LARGE1: variants seen among roughly 807,000 people sequenced by gnomAD.
LARGE1 encodes LARGE xylosyl- and glucuronyltransferase 1.
A neutral mutation model predicts 87.6 loss-of-function variants in LARGE1; 43 were observed. That is an observed-to-expected ratio of 0.49 (90% CI 0.38 to 0.63). LARGE1 has a LOEUF of 0.63. Among genes scored for constraint, LARGE1 ranks in the 30% least tolerant of loss-of-function variants. The pLI, the probability that LARGE1 is intolerant of heterozygous loss-of-function variation, is 0.00. For synonymous variants in LARGE1, 434 were observed against 394.6 expected (o/e 1.10, Z -1.18); for missense variants, 802 against 1,000.2 (o/e 0.80, Z 2.67).
intron 6 of LARGE1, among the ~76,000 whole-genome samples, chr22:33,553,026 A>G (rs1188912231): frequency 6.6e-6 from 1 of 152,166 alleles, no homozygotes; most frequent in Non-Finnish European, 1.5e-5. Context: ...CTTTCCAATT[A>G]GGAGCAAACC....
intron 3 of LARGE1, among the ~76,000 whole-genome samples, chr22:33,636,718 G>C (rs943997577): frequency 4.0e-5 from 6 of 151,376 alleles, no homozygotes; most frequent in Admixed American, 3.3e-4. Flanking sequence ...TTTTTGGAGA[G>C]ATGGGGTCTC....
intron 5 of LARGE1, among the ~76,000 whole-genome samples, chr22:33,599,759 C>A (rs1333934634): frequency 6.6e-6 from 1 of 152,196 alleles, no homozygotes; most frequent in Non-Finnish European, 1.5e-5. Context: ...AAAGTGATTT[C>A]TTGGAGCTGT....
chr22:33,230,294 A>G (rs896886183), intron 11 of LARGE1, among the ~76,000 whole-genome samples: 60 of 152,062 alleles, frequency 3.9e-4, no homozygotes, highest in African/African-American at 1.4e-3. Flanking sequence ...TGCTGTGATT[A>G]CAGGTGTGAG....
At chr22:33,535,890 C>T (rs1051779077) in intron 6 of LARGE1, among the ~76,000 whole-genome samples, 4 of 152,184 alleles carry the variant, frequency 2.6e-5, no homozygotes, top group Non-Finnish European at 4.4e-5. Context: ...CTTCCAGTAC[C>T]TTAGTCCTTG....
chr22:33,646,357 TTC>T (rs2080611828), intron 3 of LARGE1, among the ~76,000 whole-genome samples: 1 of 152,130 alleles, frequency 6.6e-6, no homozygotes, highest in Non-Finnish European at 1.5e-5. Context: ...ACACCACATG[TTC>T]TCTCTCGTAA....
chr22:33,100,050 G>A, the LARGE1 span, among the ~76,000 whole-genome samples: 1 of 152,144 alleles, frequency 6.6e-6, no homozygotes, highest in East Asian at 1.9e-4. Context: ...TTAAATCTGA[G>A]TTTGGCCAGT....
At chr22:33,707,097 T>C (rs758886537) in intron 2 of LARGE1, among the ~76,000 whole-genome samples, 3 of 152,346 alleles carry the variant, frequency 2.0e-5, no homozygotes, top group East Asian at 3.9e-4. Flanking sequence ...TCATCTTCAG[T>C]AGATCCAGAA....
rs34292743 is a variant in LARGE1, at chr22:33,304,411, G to A, written c.1548C>T (p.Tyr516=). ...TCATAAGCACCTCAGAGCCCTGTGC[G>A]TAGCGGAGGAACTGCTGGGCCTCGG... ...SDAEAQQFLR[Y]AQGSEVLMSR... The change falls in exon 12 of 15, where the codon TAC becomes TAT. Residue 516 remains tyrosine, a synonymous_variant. Coordinates refer to ENST00000397394, the MANE Select transcript of LARGE1 (RefSeq NM_133642.5). The A allele has an allele frequency of 4.5e-3, 7,298 of 1,614,248 alleles. 260 individuals carry two copies. The African/African-American group carries it at 0.085, about 19-fold the overall frequency.
Position 33,316,185 on chromosome 22 carries a change from A to G in LARGE1, c.1351T>C (p.Phe451Leu). Residue 451 changes from phenylalanine (F) to leucine (L), a missense_variant, in exon 11 of 15, where the codon TTC becomes CTC. By Grantham distance (22) the Phe-to-Leu change is conservative. Transcript: ENST00000397394. ...TACAGGTGGGTGCGGTGGACAGTGA[A>G]GCGCTCTCGCCGGAACTCATAGCAC... ...DLCYEFRRER[F>L]TVHRTHLYFL... The G allele has an allele frequency of 1.2e-6, 2 of 1,614,062 alleles. No individual in the cohort carries two copies. Among genetic ancestry groups the G allele is most frequent in the South Asian group, 2.2e-5 (2 of 91,066 alleles).
At position 33,732,709 on chromosome 22, in the gene LARGE1, T is replaced by C. The variant is rs1317805051; in HGVS notation, c.106+28662A>G. 8 of 152,194 alleles carry C rather than the reference T, an allele frequency of 5.3e-5. No homozygotes were observed. In the East Asian group the frequency reaches 1.5e-3, roughly 29 times the overall value. The allele number at this position is 152,194 out of a possible 1,614,324, so 9.4% of individuals were successfully genotyped here. On this transcript the variant is annotated intron_variant, in intron 2 of 14. Transcript: ENST00000397394. ...GCAAATGGGGAAAAGATTGAATGTATAGGGCTGCATATATTAGAAGCCCCC... is the reference window on the plus strand; with the variant it reads ...GCAAATGGGGAAAAGATTGAATGTACAGGGCTGCATATATTAGAAGCCCCC...
At chr22:33,234,904 TTGGGG>T (rs566318832) in intron 11 of LARGE1, among the ~76,000 whole-genome samples, 50,263 of 151,864 alleles carry the variant, frequency 0.33, 10,024 homozygotes, top group African/African-American at 0.58. Flanking sequence ...CTGGAATGTG[TTGGGG>T]AATGCTACAC....
intron 5 of LARGE1, among the ~76,000 whole-genome samples, chr22:33,596,610 A>T (rs1268204976): frequency 1.3e-5 from 2 of 152,222 alleles, no homozygotes; most frequent in African/African-American, 4.8e-5. Flanking sequence ...TCCATCAACT[A>T]TTCTAGAAAA....
At chr22:33,681,505 G>A (rs1334493065) in intron 2 of LARGE1, among the ~76,000 whole-genome samples, 1 of 152,142 alleles carries the variant, frequency 6.6e-6, no homozygotes, top group African/African-American at 2.4e-5. Flanking sequence ...TACAGGTATA[G>A]TGAAGATTAA....
chr22:33,451,526 C>T (rs573911473), intron 6 of LARGE1, among the ~76,000 whole-genome samples: 25 of 151,306 alleles, frequency 1.7e-4, no homozygotes, highest in East Asian at 7.8e-4. Context: ...CTTTCCCCAC[C>T]GAGTCCCCAA....
At chr22:33,318,415 C>T (rs1313023392) in intron 10 of LARGE1, among the ~76,000 whole-genome samples, 1 of 152,106 alleles carries the variant, frequency 6.6e-6, no homozygotes, top group Admixed American at 6.5e-5. Flanking sequence ...CCAGCTTCAC[C>T]CATGTCCCTA....
chr22:33,775,762 G>A (rs1361226507), intron 1 of LARGE1, among the ~76,000 whole-genome samples: 1 of 150,660 alleles, frequency 6.6e-6, no homozygotes, highest in African/African-American at 2.4e-5. Flanking sequence ...TCAGGCAGGA[G>A]AATCACTTGA....
the LARGE1 span, among the ~76,000 whole-genome samples, chr22:33,104,885 C>CTCTCTT: frequency 3.4e-5 from 1 of 29,478 alleles, no homozygotes; most frequent in Non-Finnish European, 1.5e-4. Context: ...AATAGACTTT[C>CTCTCTT]TCTCTCTTTC....
chr22:33,305,505 A>C lies in LARGE1; in HGVS notation c.1452-998T>G. The C allele has an allele frequency of 5.0e-6, 4 of 803,476 alleles. No individual in the cohort carries two copies. In the African/African-American group the frequency reaches 7.4e-5, roughly 15 times the overall value. 49.8% of individuals were successfully genotyped at this position (803,476 alleles called of 1,614,324 possible). A position where few individuals can be genotyped will look rare whatever the true frequency, so the allele number is the denominator to read the frequency against. On this transcript the variant is annotated intron_variant, in intron 11 of 14. Coordinates refer to ENST00000397394, the MANE Select transcript of LARGE1 (RefSeq NM_133642.5). ...AAAATCTATGGCTAAGAAACAGCAA[A>C]AGCCTACTTGAATTGTTTTTCCTTA...
At chr22:33,367,970 G>A (rs973951203) in intron 9 of LARGE1, among the ~76,000 whole-genome samples, 5 of 152,060 alleles carry the variant, frequency 3.3e-5, no homozygotes, top group African/African-American at 4.8e-5. Flanking sequence ...TAATCAAATA[G>A]ATTTTTAAAA....
Sources: gnomAD v4.1 joint callset for allele counts (sites outside exome capture counted in the v4.1 genomes callset) on GRCh38, gnomAD v4.1.1 for gene constraint, MANE v1.5 for transcripts, NCBI Gene and HGNC (gene_info 2026-07-23, HGNC 2026-07-21) for gene names.